The following IGF2R variants were observed in gnomAD, a reference collection of about 807,000 sequenced individuals.
IGF2R encodes cation-independent mannose-6-phosphate receptor.
IGF2R carries 91 observed loss-of-function variants against 270.6 expected under a neutral mutation model. The observed-to-expected ratio is 0.34, with a 90% CI of 0.28 to 0.40. The LOEUF is 0.40. IGF2R is among the 10% of genes least tolerant of loss of function. The pLI is 1.00. For synonymous variants in IGF2R, 1,316 were observed against 1,258.9 expected, an observed-to-expected ratio of 1.05 and a Z score of -0.96; for missense variants, 2,805 against 3,188.3, an observed-to-expected ratio of 0.88 and a Z score of 2.90.
intron 29 of IGF2R, among the ~76,000 whole-genome samples, chr6:160,066,753 C>T (rs1778593688): frequency 6.6e-6 from 1 of 152,072 alleles, no homozygotes; most frequent in Admixed American, 6.6e-5. Context: ...CTGTGCTGTT[C>T]TCCTCTCCTC....
intron 4 of IGF2R, among the ~76,000 whole-genome samples, chr6:160,012,568 A>C (rs916263577): frequency 1.3e-5 from 2 of 151,608 alleles, no homozygotes; most frequent in Admixed American, 1.3e-4. Context: ...AGATCTCACA[A>C]GAACTCACTC....
At chr6:159,999,770 C>T (rs192127281) in intron 2 of IGF2R, among the ~76,000 whole-genome samples, 14 of 152,210 alleles carry the variant, frequency 9.2e-5, no homozygotes, top group Non-Finnish European at 1.8e-4. Context: ...AAAGTTCAAT[C>T]CCTCCTTTAG....
intron 1 of IGF2R, among the ~76,000 whole-genome samples, chr6:159,984,210 G>A (rs558190951): frequency 4.9e-4 from 74 of 152,234 alleles, no homozygotes; most frequent in African/African-American, 1.6e-3. Flanking sequence ...GGCCAATGAC[G>A]GACTGCATAA....
Position 160,109,486 on chromosome 6 carries a change from C to CT in IGF2R, c.*4403dup, listed in dbSNP as rs1779699266. On this transcript the variant is annotated 3_prime_UTR_variant, in exon 48 of 48. Transcript: ENST00000356956. ...TATTTTTTCCCTGAATCATTTGAGA[C>CT]TAAGTTCCCTCCTATCACCAGACAT... is the stretch of plus-strand genomic sequence containing the variant. The CT allele has an allele frequency of 6.6e-6, 1 of 152,206 alleles. No individual in the cohort carries two copies. Among genetic ancestry groups the CT allele is most frequent in the Admixed American group, 6.5e-5 (1 of 15,282 alleles). 9.4% of individuals were successfully genotyped at this position (152,206 alleles called of 1,614,324 possible).
intron 33 of IGF2R, among the ~76,000 whole-genome samples, 156 bp from the exon 34 acceptor site, chr6:160,073,057 A>G (rs1778778831): frequency 6.6e-6 from 1 of 152,282 alleles, no homozygotes; most frequent in Non-Finnish European, 1.5e-5. Flanking sequence ...GATGGAATGA[A>G]CATTCAATGT....
chr6:160,012,745 T>TTTTATATATATATATATATATATATATA (rs1300346010), intron 4 of IGF2R, among the ~76,000 whole-genome samples: 1 of 105,310 alleles, frequency 9.5e-6, no homozygotes, highest in Non-Finnish European at 2.0e-5. Flanking sequence ...CCCGGCTAAT[T>TTTTATATATATATATATATATATATATA]TATATATATA....
Position 160,048,961 on chromosome 6 carries a change from C to A in IGF2R, c.2514+418C>A, listed in dbSNP as rs531274585. Among the ~76,000 whole-genome samples, 3 of 152,324 alleles carry A rather than the reference C, an allele frequency of 2.0e-5. No homozygotes were observed. In the East Asian group the frequency reaches 5.8e-4, roughly 29 times the overall value. On this transcript the variant is annotated intron_variant, in intron 18 of 47. Coordinates refer to ENST00000356956, the MANE Select transcript of IGF2R (RefSeq NM_000876.4). ...GATGAACCAGATTCAAGCACACGCTCTCATTCGCTGCAGTTCGTCCCTGGG... is the reference window on the plus strand; with the variant it reads ...GATGAACCAGATTCAAGCACACGCTATCATTCGCTGCAGTTCGTCCCTGGG...
intron 11 of IGF2R, among the ~76,000 whole-genome samples, chr6:160,041,308 A>C (rs1777941261): frequency 1.3e-5 from 2 of 152,216 alleles, no homozygotes; most frequent in Admixed American, 1.3e-4. Context: ...TACAGAAGCC[A>C]GTTGCCTCTG....
chr6:160,065,026 T>C, intron 29 of IGF2R, 125 bp downstream of exon 29: 1 of 673,822 alleles, frequency 1.5e-6, no homozygotes, highest in Non-Finnish European at 2.6e-6. Flanking sequence ...CTCGGTTTGC[T>C]CATATTAAAA....
chr6:160,073,118 A>G (rs1044340862), intron 33 of IGF2R, 95 bp from the exon 34 acceptor site: 20 of 1,512,672 alleles, frequency 1.3e-5, no homozygotes, highest in African/African-American at 5.5e-5. Context: ...AGTGTTGGCT[A>G]TGAAATTGAT....
chr6:160,069,908 C>T lies in IGF2R; in HGVS notation c.4293C>T (p.Gly1431=). ...PPEAAACLLG[G]SKPVNLGRVR... is the part of the protein sequence containing the mutation. ...AAGCAGCCGCGTGTCTGCTGGGTGG[C>T]TCCAAGCCCGTGAACCTCGGCAGGG... Residue 1431 remains glycine, a synonymous_variant, in exon 31 of 48, where the codon GGC becomes GGT. Transcript: ENST00000356956. 1 of 1,614,212 alleles carries T rather than the reference C, an allele frequency of 6.2e-7. No homozygotes were observed. The highest frequency in any genetic ancestry group is 2.2e-5 in the East Asian group (1 of 44,886).
At chr6:160,024,333 T>G (rs149151147) in intron 4 of IGF2R, among the ~76,000 whole-genome samples, 74 of 152,040 alleles carry the variant, frequency 4.9e-4, no homozygotes, top group Middle Eastern at 3.4e-3. Context: ...GAAAACCTGG[T>G]GATGTAAAGT....
Position 160,108,391 on chromosome 6 carries a change from TG to T in IGF2R, c.*3308del, listed in dbSNP as rs1779669069. ...CCCAGAACTTGGAGCCTGTTGTGAC[TG>T]TCACAGTAAGGAGTTTGAAGTCCTG... On this transcript the variant is annotated 3_prime_UTR_variant, in exon 48 of 48. Transcript: ENST00000356956. 1 of 152,496 alleles carries T rather than the reference TG, an allele frequency of 6.6e-6. No homozygotes were observed. The highest frequency in any genetic ancestry group is 1.5e-5 in the Non-Finnish European group (1 of 68,240). 9.4% of individuals were successfully genotyped at this position (152,496 alleles called of 1,614,324 possible). A position where few individuals can be genotyped will look rare whatever the true frequency, so the allele number is the denominator to read the frequency against.
chr6:159,974,741 A>T (rs1783663182), intron 1 of IGF2R, among the ~76,000 whole-genome samples: 1 of 152,078 alleles, frequency 6.6e-6, no homozygotes, highest in Non-Finnish European at 1.5e-5. Context: ...AACAAATAAA[A>T]ATGTCTCCAG....
intron 2 of IGF2R, among the ~76,000 whole-genome samples, chr6:160,000,725 G>GTTGTTT (rs1784114199): frequency 1.3e-4 from 15 of 116,070 alleles, no homozygotes; most frequent in African/African-American, 4.2e-4. Context: ...TTGGTGTGAG[G>GTTGTTT]TTGTTTTTTT....
intron 4 of IGF2R, among the ~76,000 whole-genome samples, chr6:160,021,491 C>T (rs1034621073): frequency 6.7e-5 from 10 of 149,398 alleles, no homozygotes; most frequent in Non-Finnish European, 1.0e-4. Flanking sequence ...ATACCTAATG[C>T]TAAATGACGA....
intron 4 of IGF2R, among the ~76,000 whole-genome samples, chr6:160,016,991 A>G (rs960629372): frequency 6.6e-6 from 1 of 152,258 alleles, no homozygotes; most frequent in African/African-American, 2.4e-5. Context: ...GAAGGATCAT[A>G]TTAATCTTCC....
In IGF2R at chr6:160,084,986, G is replaced by A. The variant is rs200166941; in HGVS notation, c.6069-9G>A. ...TGCCTTTTACCTGCCCCTTTGTGTC[G>A]TTTTCTAGGTACTATATAAATCTGT... On this transcript the variant is annotated splice_polypyrimidine_tract_variant and intron_variant, in intron 40 of 47. Coordinates refer to ENST00000356956, the MANE Select transcript of IGF2R (RefSeq NM_000876.4). The surrounding 1 kb of genome is among the most constrained non-coding windows in gnomAD (Gnocchi z 4.6). The A allele has an allele frequency of 2.5e-5, 41 of 1,608,350 alleles. No individual in the cohort carries two copies. The East Asian group carries it at 4.7e-4, about 18-fold the overall frequency.
At chr6:160,056,628 A>G in intron 20 of IGF2R, 103 bp downstream of exon 20, 1 of 783,970 alleles carries the variant, frequency 1.3e-6, no homozygotes, top group East Asian at 2.5e-5. Context: ...CTTCTTTCTG[A>G]ATCAGTTACT....
Sources: gnomAD v4.1 joint callset for allele counts (sites outside exome capture counted in the v4.1 genomes callset) on GRCh38, gnomAD v4.1.1 for gene constraint, Gnocchi (gnomAD v3.1) non-coding constraint, MANE v1.5 for transcripts, NCBI Gene and HGNC (gene_info 2026-07-23, HGNC 2026-07-21) for gene names.